Variants in PTH2R observed in about 807,000 individuals in gnomAD.
The protein encoded by PTH2R is PTH2 receptor.
PTH2R carries 59 observed loss-of-function variants against 60.3 expected under a neutral mutation model. That is an observed-to-expected ratio of 0.98 (90% CI 0.79 to 1.22). The LOEUF (loss-of-function observed/expected upper bound fraction) is 1.22. PTH2R is among the 50% of genes most tolerant of loss of function. PTH2R has a pLI of 0.00. For synonymous variants in PTH2R, 256 were observed against 243.8 expected, an observed-to-expected ratio of 1.05 and a Z score of -0.47; for missense variants, 749 against 682.6, an observed-to-expected ratio of 1.10 and a Z score of -1.08.
chr2:208,493,529 C>A lies in PTH2R; in HGVS notation c.1523C>A (p.Ser508Tyr). ...TCAGAGCAGGACTGCCTGCCACACTCTTTCCACGAGGAGACCAAGGAAGAT... is the reference window on the plus strand; with the variant it reads ...TCAGAGCAGGACTGCCTGCCACACTATTTCCACGAGGAGACCAAGGAAGAT... ...SNSEQDCLPHSFHEETKEDSG... is the reference protein window; with the variant it reads ...SNSEQDCLPHYFHEETKEDSG... The change falls in exon 13 of 13, where the codon TCT (serine) becomes TAT (tyrosine). Residue 508 changes from serine to tyrosine, a missense_variant. Ser to Tyr is a moderately radical substitution (Grantham distance 144). Transcript: ENST00000272847. 1 of 1,613,994 alleles carries A rather than the reference C, an allele frequency of 6.2e-7. No individual in the cohort carries two copies. Among genetic ancestry groups the A allele is most frequent in the Non-Finnish European group, 8.5e-7 (1 of 1,179,924 alleles).
At chr2:208,439,916 A>C (rs923959437) in intron 4 of PTH2R, among the ~76,000 whole-genome samples, 5 of 152,202 alleles carry the variant, frequency 3.3e-5, no homozygotes, top group African/African-American at 1.2e-4. Context: ...TGAATGGAAA[A>C]AATGTTCATT....
At chr2:208,399,688 T>G (rs1165969476) in intron 1 of PTH2R, among the ~76,000 whole-genome samples, 1 of 152,166 alleles carries the variant, frequency 6.6e-6, no homozygotes, top group Non-Finnish European at 1.5e-5. Flanking sequence ...GAACATCATC[T>G]TATGTGACTT....
intron 1 of PTH2R, among the ~76,000 whole-genome samples, chr2:208,387,873 A>G (rs543867864): frequency 6.6e-6 from 1 of 152,344 alleles, no homozygotes; most frequent in South Asian, 2.1e-4. Context: ...CCAGGATCAC[A>G]GATGATGCTG....
intron 9 of PTH2R, among the ~76,000 whole-genome samples, chr2:208,477,343 A>G (rs1703027902): frequency 2.0e-5 from 3 of 152,184 alleles, no homozygotes; most frequent in Non-Finnish European, 4.4e-5. Flanking sequence ...CGATCCAGGC[A>G]AAGAAAACTC....
chr2:208,444,829 CTT>C lies in PTH2R; in HGVS notation c.797_798del (p.Phe266CysfsTer37). On this transcript the variant is annotated frameshift_variant, in exon 7 of 13. Coordinates refer to ENST00000272847, the MANE Select transcript of PTH2R (RefSeq NM_005048.4). LOFTEE classifies it high-confidence loss of function. ...AAGGTCTCTACCTGCATAATCTCAT[CTT>C]TGTGGCTTTCTTTTCGGACACCAAA... ...VEGLYLHNLI[F>X]VAFFSDTKYL... 1 of 1,613,942 alleles carries C rather than the reference CTT, an allele frequency of 6.2e-7. No individual in the cohort carries two copies. The highest frequency in any genetic ancestry group is 8.5e-7 in the Non-Finnish European group (1 of 1,179,876).
intron 11 of PTH2R, among the ~76,000 whole-genome samples, chr2:208,489,634 A>T (rs1463815721): frequency 1.3e-5 from 2 of 152,170 alleles, no homozygotes; most frequent in Non-Finnish European, 2.9e-5. Context: ...CTCATTTGCT[A>T]GTCCACATAT....
intron 2 of PTH2R, among the ~76,000 whole-genome samples, chr2:208,431,826 A>T (rs114716368): frequency 1.0e-3 from 157 of 152,338 alleles, no homozygotes; most frequent in African/African-American, 3.1e-3. Context: ...AGGTCAATAG[A>T]AGCCTCTAAG....
Position 208,493,396 on chromosome 2 carries a change from C to T in PTH2R, c.1390C>T (p.Gln464Ter), listed in dbSNP as rs1703454865. Residue 464 changes from glutamine (Q) to a stop codon, truncating the protein, a stop_gained, in exon 13 of 13, where the codon CAG becomes TAG. Coordinates refer to ENST00000272847, the MANE Select transcript of PTH2R (RefSeq NM_005048.4). LOFTEE classifies it low-confidence loss of function (END_TRUNC). The stretch of plus-strand genomic sequence containing the variant: ...GACGCACAGCACCAGCAGCCAGTCA[C>T]AGGTGGCGGCCAGCACACGCATGGT... Reference protein sequence around the residue: ...TVTHSTSSQSQVAASTRMVLI... With the variant: ...TVTHSTSSQS 1 of 1,610,048 alleles carries T rather than the reference C, an allele frequency of 6.2e-7. No homozygotes were observed.
intron 1 of PTH2R, among the ~76,000 whole-genome samples, chr2:208,393,506 A>G (rs957432736): frequency 6.6e-6 from 1 of 152,134 alleles, no homozygotes; most frequent in Non-Finnish European, 1.5e-5. Flanking sequence ...AGGGTTGTCT[A>G]CTGGAACTGC....
chr2:208,480,659 C>G (rs1348326847), intron 9 of PTH2R, among the ~76,000 whole-genome samples: 2 of 152,122 alleles, frequency 1.3e-5, no homozygotes, highest in Admixed American at 6.5e-5. Flanking sequence ...ACATCATAGA[C>G]AGAGTGAATC....
intron 1 of PTH2R, among the ~76,000 whole-genome samples, chr2:208,365,929 AAT>A (rs1224025157): frequency 0.056 from 2,435 of 43,634 alleles, 62 homozygotes; most frequent in South Asian, 0.061. Flanking sequence ...ATAATAGATA[AAT>A]ATATATATAT....
In PTH2R at chr2:208,383,736, G is replaced by A. The variant is rs192530095; in HGVS notation, c.-259+23499G>A. Among the ~76,000 whole-genome samples the A allele has an allele frequency of 1.2e-3, 189 of 152,300 alleles. 1 individual carries two copies. The highest frequency in any genetic ancestry group is 0.011 in the Admixed American group (170 of 15,304). On this transcript the variant is annotated intron_variant, in intron 1 of 12. Transcript: ENST00000617735. ...AGTTGAACTTAAACATAATGCATGG[G>A]TGTGAGGGCTGGCATTGATGATTCA...
chr2:208,383,838 A>T lies in PTH2R; in HGVS notation c.-259+23601A>T, dbSNP rs1308263539. ...AAAACCACAGTGAGCATCAGTGGGGATCTGCATGCTCTGGTCAAGACAGAT... is the reference window on the plus strand; with the variant it reads ...AAAACCACAGTGAGCATCAGTGGGGTTCTGCATGCTCTGGTCAAGACAGAT... On this transcript the variant is annotated intron_variant, in intron 1 of 12. Coordinates refer to the PTH2R transcript ENST00000617735. Among the ~76,000 whole-genome samples, 3 of 152,116 alleles carry T rather than the reference A, an allele frequency of 2.0e-5. No homozygotes were observed. In the East Asian group the frequency reaches 5.8e-4, roughly 29 times the overall value.
At chr2:208,421,597 G>A (rs1701758267) in intron 1 of PTH2R, among the ~76,000 whole-genome samples, 1 of 152,000 alleles carries the variant, frequency 6.6e-6, no homozygotes, top group Non-Finnish European at 1.5e-5. Flanking sequence ...CAGTATTACA[G>A]ACAATACATT....
At chr2:208,378,345 CATCAGAGGG>C (rs1343402520) in intron 1 of PTH2R, among the ~76,000 whole-genome samples, 1 of 151,750 alleles carries the variant, frequency 6.6e-6, no homozygotes, top group Non-Finnish European at 1.5e-5. Flanking sequence ...TTTGGCTCGG[CATCAGAGGG>C]ATACCGTGGA....
chr2:208,396,307 A>G (rs1701206215), intron 1 of PTH2R, among the ~76,000 whole-genome samples: 1 of 152,220 alleles, frequency 6.6e-6, no homozygotes, highest in South Asian at 2.1e-4. Flanking sequence ...CAAAATTGAC[A>G]AATGGGATCT....
At chr2:208,418,667 G>A (rs554116162) in intron 1 of PTH2R, among the ~76,000 whole-genome samples, 3 of 152,090 alleles carry the variant, frequency 2.0e-5, no homozygotes, top group African/African-American at 7.2e-5. Context: ...GGAGAAATAA[G>A]ATAAAAAATT....
intron 9 of PTH2R, among the ~76,000 whole-genome samples, chr2:208,477,142 T>C (rs1413175972): frequency 4.6e-5 from 7 of 152,100 alleles, no homozygotes; most frequent in African/African-American, 1.7e-4. Flanking sequence ...ACCAAGAACA[T>C]TGCAGGCCCT....
rs545244244 is a variant in PTH2R, at chr2:208,482,482, T to G, written c.1076+1318T>G. The stretch of plus-strand genomic sequence containing the variant: ...GATGGTCACATGGGGATGAAGTAAT[T>G]CTTTAACATAACATTTGTATGCAGA... On this transcript the variant is annotated intron_variant, in intron 10 of 12. Coordinates refer to ENST00000272847, the MANE Select transcript of PTH2R (RefSeq NM_005048.4). Among the ~76,000 whole-genome samples, 8 of 152,282 alleles carry G rather than the reference T, an allele frequency of 5.3e-5. No homozygotes were observed. In the South Asian group the frequency reaches 6.2e-4, roughly 12 times the overall value.
Sources: gnomAD v4.1 joint callset for allele counts (sites outside exome capture counted in the v4.1 genomes callset) on GRCh38, gnomAD v4.1.1 for gene constraint, MANE v1.5 for transcripts, NCBI Gene and HGNC (gene_info 2026-07-23, HGNC 2026-07-21) for gene names.